MUCL1: variants seen among roughly 807,000 people sequenced by gnomAD.
MUCL1 encodes the protein mucin-like protein 1.
Under a neutral mutation model 9.2 loss-of-function variants are expected in MUCL1, and 11 were observed. The observed-to-expected ratio is 1.19, with a 90% CI of 0.75 to 1.97. The LOEUF (loss-of-function observed/expected upper bound fraction) is 1.97. Among genes scored for constraint, MUCL1 ranks in the 30% most tolerant of loss-of-function variants. The pLI, the probability that MUCL1 is intolerant of heterozygous loss-of-function variation, is 0.00. For synonymous variants in MUCL1, 48 were observed against 40.5 expected, an observed-to-expected ratio of 1.19 and a Z score of -0.71; for missense variants, 144 against 110.9, an observed-to-expected ratio of 1.30 and a Z score of -1.34.
upstream of MUCL1, among the ~76,000 whole-genome samples, chr12:54,835,609 T>A (rs1341614235): frequency 9.4e-6 from 1 of 106,180 alleles, no homozygotes; most frequent in Non-Finnish European, 1.7e-5. Flanking sequence ...TGGGATTGTT[T>A]TTTTTTTTTT....
upstream of MUCL1, among the ~76,000 whole-genome samples, chr12:54,836,607 C>T (rs1273938590): frequency 6.6e-6 from 1 of 151,822 alleles, no homozygotes; most frequent in Non-Finnish European, 1.5e-5. Context: ...TTTATTATTT[C>T]TTTTCTTCTG....
upstream of MUCL1, among the ~76,000 whole-genome samples, chr12:54,835,279 G>T (rs1959191086): frequency 6.6e-6 from 1 of 152,018 alleles, no homozygotes; most frequent in South Asian, 2.1e-4. Flanking sequence ...GCCAGTAGTG[G>T]GATTGCTGGA....
upstream of MUCL1, among the ~76,000 whole-genome samples, chr12:54,851,485 A>G (rs1175296308): frequency 1.3e-5 from 2 of 152,314 alleles, no homozygotes; most frequent in Non-Finnish European, 2.9e-5. Flanking sequence ...CTCTCAATAA[A>G]TTAGGTATTG....
chr12:54,846,436 C>A (rs551175184), intron 1 of MUCL1, among the ~76,000 whole-genome samples: 15 of 152,292 alleles, frequency 9.8e-5, no homozygotes, highest in African/African-American at 3.6e-4. Flanking sequence ...CCTCCCATTT[C>A]AATAATAGTT....
At chr12:54,847,857 G>A (rs573000101) in intron 1 of MUCL1, among the ~76,000 whole-genome samples, 1 of 152,192 alleles carries the variant, frequency 6.6e-6, no homozygotes, top group African/African-American at 2.4e-5. Flanking sequence ...TGTGTCTATA[G>A]ATCATGCTTG....
chr12:54,845,241 C>T (rs1164362296), intron 1 of MUCL1, among the ~76,000 whole-genome samples: 9 of 152,080 alleles, frequency 5.9e-5, no homozygotes, highest in South Asian at 2.1e-4. Flanking sequence ...TGTTACTGAG[C>T]AATGAGCTCT....
intron 1 of MUCL1, among the ~76,000 whole-genome samples, chr12:54,841,040 G>T (rs1959209038): frequency 6.7e-6 from 1 of 150,168 alleles, no homozygotes; most frequent in Admixed American, 6.7e-5. Flanking sequence ...GCCTCTATGA[G>T]TTCAATTATT....
chr12:54,848,644 C>G (rs145746797), intron 1 of MUCL1, among the ~76,000 whole-genome samples: 1 of 151,998 alleles, frequency 6.6e-6, no homozygotes, highest in Non-Finnish European at 1.5e-5. Flanking sequence ...ATATGTAAAT[C>G]ATGGAAGAGG....
At chr12:54,848,711 A>G (rs781661138) in intron 1 of MUCL1, among the ~76,000 whole-genome samples, 2 of 152,204 alleles carry the variant, frequency 1.3e-5, no homozygotes, top group Non-Finnish European at 2.9e-5. Flanking sequence ...GCAAGTTAAC[A>G]TAACAAATAT....
intron 1 of MUCL1, chr12:54,830,993 A>G (rs1206596653): frequency 2.0e-5 from 3 of 152,214 alleles, no homozygotes; most frequent in Non-Finnish European, 4.4e-5. Flanking sequence ...TGGTGAACAG[A>G]TATCCTTAAT....
At chr12:54,855,666 GT>G (rs2135946852) in intron 2 of MUCL1, among the ~76,000 whole-genome samples, 1 of 152,302 alleles carries the variant, frequency 6.6e-6, no homozygotes, top group African/African-American at 2.4e-5. Flanking sequence ...GCTGATGTTT[GT>G]TTCCCTTCTC....
At chr12:54,843,904 G>A (rs561593578) in intron 1 of MUCL1, among the ~76,000 whole-genome samples, 3 of 152,106 alleles carry the variant, frequency 2.0e-5, no homozygotes, top group African/African-American at 2.4e-5. Flanking sequence ...GCAGAAATAC[G>A]AAAGTAATAC....
chr12:54,853,606 C>T (rs915148535), upstream of MUCL1, among the ~76,000 whole-genome samples: 1 of 152,268 alleles, frequency 6.6e-6, no homozygotes, highest in East Asian at 1.9e-4. Flanking sequence ...TTTTGGTCAC[C>T]TTATATAAAA....
chr12:54,853,470 T>G (rs764659602), upstream of MUCL1, among the ~76,000 whole-genome samples: 26 of 152,334 alleles, frequency 1.7e-4, no homozygotes, highest in East Asian at 5.8e-4. Flanking sequence ...ATATTCTACA[T>G]GCACTCACCA....
chr12:54,837,043 A>T (rs1959193956), upstream of MUCL1, among the ~76,000 whole-genome samples: 1 of 152,182 alleles, frequency 6.6e-6, no homozygotes, highest in African/African-American at 2.4e-5. Context: ...GAGGAGAAGA[A>T]TGTATATTCT....
upstream of MUCL1, among the ~76,000 whole-genome samples, chr12:54,836,377 A>G (rs944063959): frequency 1.3e-5 from 2 of 152,094 alleles, no homozygotes; most frequent in Non-Finnish European, 2.9e-5. Flanking sequence ...CTAGTTGTGT[A>G]CATAGAGGTG....
intron 2 of MUCL1, 30 bp from the exon 3 acceptor site, chr12:54,856,740 C>T: frequency 6.3e-7 from 1 of 1,581,392 alleles, no homozygotes; most frequent in Non-Finnish European, 8.6e-7. Flanking sequence ...AGGAGTCAGT[C>T]TCACCTAGAG....
rs759240299 is a variant in MUCL1, at chr12:54,855,090, C to T, written c.59-26C>T. ...CTCCAAACTGGTATTCAGCTAACATCTTAATTTTTCCTTCTTCTCTTTCAG... is the reference window on the plus strand; with the variant it reads ...CTCCAAACTGGTATTCAGCTAACATTTTAATTTTTCCTTCTTCTCTTTCAG... On this transcript the variant is annotated intron_variant, in intron 1 of 3. Coordinates refer to ENST00000308796, the MANE Select transcript of MUCL1 (RefSeq NM_058173.3). 1.7e-5 allele frequency: 28 copies of T among 1,610,300 alleles called. 1 individual carries two copies. In the East Asian group the frequency reaches 6.0e-4, roughly 35 times the overall value.
At chr12:54,843,557 C>T (rs1170648061) in intron 1 of MUCL1, among the ~76,000 whole-genome samples, 2 of 152,112 alleles carry the variant, frequency 1.3e-5, no homozygotes, top group Non-Finnish European at 2.9e-5. Flanking sequence ...AGCAAGTTAT[C>T]CTGGATTATT....
Sources: gnomAD v4.1 joint callset for allele counts (sites outside exome capture counted in the v4.1 genomes callset) on GRCh38, gnomAD v4.1.1 for gene constraint, MANE v1.5 for transcripts, NCBI Gene and HGNC (gene_info 2026-07-23, HGNC 2026-07-21) for gene names.